Variants in OLAH observed in about 807,000 individuals in gnomAD.
OLAH encodes oleoyl-ACP hydrolase.
In OLAH, 33 loss-of-function variants were observed where a neutral mutation model predicts 27.8. The observed-to-expected ratio is 1.19, with a 90% CI of 0.90 to 1.59. OLAH has a LOEUF of 1.59. Among genes scored for constraint, OLAH ranks in the 40% most tolerant of loss-of-function variants. The probability of loss-of-function intolerance (pLI) is 0.00; values close to 1 mark genes in which losing one functional copy is unlikely to be tolerated. For synonymous variants in OLAH, 120 were observed against 102.9 expected, an observed-to-expected ratio of 1.17 and a Z score of -1.01; for missense variants, 359 against 310.8, an observed-to-expected ratio of 1.16 and a Z score of -1.17.
rs574442021 is a variant in OLAH, at chr10:15,035,864, T to C, written c.-164+3514T>C. 7.2e-4 allele frequency among the ~76,000 whole-genome samples: 109 copies of C among 152,242 alleles called. 1 individual carries two copies. The highest frequency in any genetic ancestry group is 2.5e-3 in the African/African-American group (103 of 41,550). ...CAAACAAAAAGAGCCTGAGGTTTTG[T>C]AGCCTGACACTCTCCACTGTCTCCT... is the stretch of plus-strand genomic sequence containing the variant. On this transcript the variant is annotated intron_variant, in intron 1 of 3. Coordinates refer to the OLAH transcript ENST00000413672.
intron 6 of OLAH, among the ~76,000 whole-genome samples, chr10:15,068,711 C>A (rs937760113): frequency 7.9e-5 from 12 of 152,092 alleles, no homozygotes; most frequent in African/African-American, 2.9e-4. Flanking sequence ...TTTATAAAAT[C>A]AAAAGCCAGT....
intron 3 of OLAH, among the ~76,000 whole-genome samples, chr10:15,051,871 T>C (rs2131350640): frequency 6.6e-6 from 1 of 152,344 alleles, no homozygotes; most frequent in South Asian, 2.1e-4. Flanking sequence ...TGCACATTTG[T>C]GGGATATACA....
chr10:15,057,040 G>T, intron 3 of OLAH: 1 of 1,332,318 alleles, frequency 7.5e-7, no homozygotes, highest in Non-Finnish European at 9.7e-7. Context: ...TTTTAATGTG[G>T]TGTCTTCTGA....
At chr10:15,054,055 T>A (rs943712210) in intron 3 of OLAH, among the ~76,000 whole-genome samples, 3 of 150,898 alleles carry the variant, frequency 2.0e-5, no homozygotes, top group African/African-American at 7.3e-5. Flanking sequence ...TTTTTTTTTT[T>A]TGAGATGGAG....
upstream of OLAH, among the ~76,000 whole-genome samples, chr10:15,043,317 G>A (rs571012329): frequency 1.3e-5 from 2 of 152,262 alleles, no homozygotes; most frequent in African/African-American, 4.8e-5. Context: ...TTAGAAGGGT[G>A]CTTGGTCCTT....
intron 3 of OLAH, among the ~76,000 whole-genome samples, chr10:15,055,952 C>T (rs766287801): frequency 6.6e-6 from 1 of 151,712 alleles, no homozygotes; most frequent in Non-Finnish European, 1.5e-5. Context: ...TGGGTTCAAG[C>T]GATTCTCCTG....
chr10:15,063,209 C>T (rs1844402047), intron 4 of OLAH, among the ~76,000 whole-genome samples: 1 of 152,176 alleles, frequency 6.6e-6, no homozygotes, highest in Non-Finnish European at 1.5e-5. Flanking sequence ...TCACTGCAAC[C>T]TCTGTCTGCC....
At chr10:15,032,591 A>T (rs533162528) in intron 1 of OLAH, among the ~76,000 whole-genome samples, 2 of 149,460 alleles carry the variant, frequency 1.3e-5, no homozygotes, top group South Asian at 4.3e-4. Context: ...ACTGCACTCC[A>T]GCCTGGGCGA....
At chr10:15,039,710 A>G (rs959069050), upstream of OLAH, among the ~76,000 whole-genome samples, 3 of 152,202 alleles carry the variant, frequency 2.0e-5, no homozygotes, top group African/African-American at 7.2e-5. Context: ...TCTGTATTTT[A>G]GCTAAGAGTC....
At chr10:15,043,483 T>C (rs564159438), upstream of OLAH, among the ~76,000 whole-genome samples, 1 of 151,900 alleles carries the variant, frequency 6.6e-6, no homozygotes, top group East Asian at 1.9e-4. Context: ...TCTTCTTTTT[T>C]TTTTTTTTTT....
upstream of OLAH, among the ~76,000 whole-genome samples, chr10:15,040,915 T>A (rs972225091): frequency 6.6e-6 from 1 of 152,200 alleles, no homozygotes; most frequent in Non-Finnish European, 1.5e-5. Context: ...TTTTCCTCAA[T>A]CCTGCCTCCC....
At chr10:15,032,747 T>A (rs1843779333) in intron 1 of OLAH, among the ~76,000 whole-genome samples, 1 of 152,168 alleles carries the variant, frequency 6.6e-6, no homozygotes. Flanking sequence ...CCGAAATGCT[T>A]CTCAAAAGGC....
chr10:15,056,826 A>G (rs765306320), intron 3 of OLAH: 10 of 1,491,128 alleles, frequency 6.7e-6, no homozygotes, highest in Non-Finnish European at 6.3e-6. Context: ...TTTTGTAGAG[A>G]CAGCATCTCA....
intron 6 of OLAH, among the ~76,000 whole-genome samples, chr10:15,066,052 C>T (rs1163833176): frequency 6.6e-6 from 1 of 152,094 alleles, no homozygotes; most frequent in Non-Finnish European, 1.5e-5. Flanking sequence ...ACAAGGCTGG[C>T]CAACATGGCA....
chr10:15,060,847 A>G (rs918407393), intron 3 of OLAH, among the ~76,000 whole-genome samples: 1 of 152,046 alleles, frequency 6.6e-6, no homozygotes, highest in Non-Finnish European at 1.5e-5. Context: ...TGAGTTTTAC[A>G]TTGTTGGGTC....
upstream of OLAH, among the ~76,000 whole-genome samples, chr10:15,040,091 G>C (rs994259983): frequency 2.0e-5 from 3 of 151,964 alleles, no homozygotes; most frequent in Non-Finnish European, 4.4e-5. Context: ...CTCTCCTATG[G>C]ACTTACTCTT....
At chr10:15,042,301 G>T (rs1033353038), upstream of OLAH, among the ~76,000 whole-genome samples, 1 of 151,842 alleles carries the variant, frequency 6.6e-6, no homozygotes, top group Admixed American at 6.6e-5. Flanking sequence ...ACAGGCACCC[G>T]CCATCACGCC....
At chr10:15,055,125 C>T (rs748512045) in intron 3 of OLAH, among the ~76,000 whole-genome samples, 17 of 152,062 alleles carry the variant, frequency 1.1e-4, no homozygotes, top group Admixed American at 3.3e-4. Context: ...CCACCACGCC[C>T]GGCTAATTTT....
intron 1 of OLAH, among the ~76,000 whole-genome samples, chr10:15,037,899 C>T (rs1456833553): frequency 6.6e-6 from 1 of 152,228 alleles, no homozygotes; most frequent in African/African-American, 2.4e-5. Context: ...ATACTGCCAA[C>T]ACAAAGAGCC....
Sources: allele counts gnomAD v4.1 joint callset (sites outside exome capture counted in the v4.1 genomes callset), GRCh38; gene constraint gnomAD v4.1.1; transcripts MANE v1.5; gene names NCBI Gene and HGNC (gene_info 2026-07-23, HGNC 2026-07-21).